TJP1: variants seen among roughly 807,000 people sequenced by gnomAD.
The protein encoded by TJP1 is tight junction protein 1, also known as tight junction protein ZO-1.
In TJP1, 43 loss-of-function variants were observed where a neutral mutation model predicts 194.2. The ratio of observed to expected loss-of-function variants is 0.22; its 90% confidence interval spans 0.17 to 0.29. The LOEUF is 0.29. TJP1 is among the 10% of genes least tolerant of loss of function. TJP1 has a pLI of 1.00. For missense variants in TJP1, 1,971 were observed against 2,185.7 expected (o/e 0.90, Z 1.96); for synonymous variants, 801 against 779.0 (o/e 1.03, Z -0.47).
At chr15:29,727,498 A>G (rs897851135) in intron 16 of TJP1, among the ~76,000 whole-genome samples, 3 of 152,202 alleles carry the variant, frequency 2.0e-5, no homozygotes, top group African/African-American at 4.8e-5. Flanking sequence ...AGTTAACTCA[A>G]TTCCATTTCT....
chr15:29,961,984 G>C (rs113332828), intron 1 of TJP1, among the ~76,000 whole-genome samples: 6 of 152,322 alleles, frequency 3.9e-5, no homozygotes, highest in African/African-American at 1.4e-4. Context: ...GCAGGAGAAA[G>C]ATATACACCA....
At chr15:29,961,975 C>T (rs2056180823) in intron 1 of TJP1, among the ~76,000 whole-genome samples, 1 of 152,168 alleles carries the variant, frequency 6.6e-6, no homozygotes, top group Non-Finnish European at 1.5e-5. Context: ...CAAGGACATG[C>T]AGGAGAAAGA....
At chr15:29,839,605 T>C (rs1156516012) in intron 2 of TJP1, among the ~76,000 whole-genome samples, 1 of 152,160 alleles carries the variant, frequency 6.6e-6, no homozygotes, top group Non-Finnish European at 1.5e-5. Flanking sequence ...TGTGACACTT[T>C]ACTCCATCTT....
At chr15:29,719,278 T>A in intron 20 of TJP1, 140 bp from the exon 21 acceptor site, 1 of 1,101,134 alleles carries the variant, frequency 9.1e-7, no homozygotes, top group South Asian at 2.0e-5. Context: ...ATAGACAAGA[T>A]TAGTGGAAAA....
intron 17 of TJP1, 70 bp downstream of exon 17, chr15:29,726,711 T>TTC: frequency 1.4e-6 from 2 of 1,429,574 alleles, no homozygotes; most frequent in Non-Finnish European, 2.0e-6. Context: ...TTGAACACCG[T>TTC]AACATTTTGG....
At position 29,732,489 on chromosome 15, in the gene TJP1, G is replaced by C; in HGVS notation, c.1961C>G (p.Ala654Gly). The C allele has an allele frequency of 1.2e-6, 2 of 1,614,058 alleles. No homozygotes were observed. Among genetic ancestry groups the C allele is most frequent in the Non-Finnish European group, 8.5e-7 (1 of 1,180,018 alleles). Residue 654 changes from alanine (A) to glycine (G), a missense_variant, in exon 15 of 28, where the codon GCT becomes GGT. Ala to Gly is a moderately conservative substitution (Grantham distance 60, BLOSUM62 0). Coordinates refer to ENST00000614355, the MANE Select transcript of TJP1 (RefSeq NM_001330239.4). The stretch of plus-strand genomic sequence containing the variant: ...TGCCAGCTTTTCTCTGGCAACATCA[G>C]CTATTGGTCCAAAAATGGTTACAGG... ...LRPVTIFGPI[A>G]DVAREKLARE...
At chr15:29,747,357 T>C (rs1365896505) in intron 8 of TJP1, among the ~76,000 whole-genome samples, 1 of 152,200 alleles carries the variant, frequency 6.6e-6, no homozygotes, top group Non-Finnish European at 1.5e-5. Flanking sequence ...TAATAAAATA[T>C]CACAATTAGC....
At chr15:29,845,233 G>T (rs2051365501) in intron 2 of TJP1, among the ~76,000 whole-genome samples, 1 of 152,122 alleles carries the variant, frequency 6.6e-6, no homozygotes, top group African/African-American at 2.4e-5. Context: ...CTAAAAATAA[G>T]AAAGGATAAA....
intron 1 of TJP1, among the ~76,000 whole-genome samples, chr15:29,811,254 G>A (rs2049478767): frequency 6.6e-6 from 1 of 152,048 alleles, no homozygotes; most frequent in Admixed American, 6.6e-5. Context: ...AAGCAGCCTA[G>A]GAATTTTAGG....
chr15:29,884,038 T>C lies in TJP1; in HGVS notation c.306+72194A>G, dbSNP rs537668104. Among the ~76,000 whole-genome samples, 23 of 152,300 alleles carry C rather than the reference T, an allele frequency of 1.5e-4. 1 individual carries two copies. The highest frequency in any genetic ancestry group is 4.8e-4 in the African/African-American group (20 of 41,566). On this transcript the variant is annotated intron_variant, in intron 2 of 28. Transcript: ENST00000356107. ...TTAGGCTGAAAGCTAAACTAGGGTA[T>C]CCCTACTAAAACAAGGATACCCTAA... is the stretch of plus-strand genomic sequence containing the variant.
intron 2 of TJP1, among the ~76,000 whole-genome samples, chr15:29,889,045 G>C (rs1288105820): frequency 6.6e-6 from 1 of 152,170 alleles, no homozygotes; most frequent in Non-Finnish European, 1.5e-5. Flanking sequence ...TCCCTTAGTT[G>C]GGTAAACAAC....
intron 2 of TJP1, among the ~76,000 whole-genome samples, chr15:29,931,919 T>C (rs1016406926): frequency 6.6e-6 from 1 of 152,220 alleles, no homozygotes; most frequent in South Asian, 2.1e-4. Flanking sequence ...TTTTACACCA[T>C]GTAGGGTAAC....
chr15:29,816,769 TTAAGA>T (rs767161168), intron 1 of TJP1, among the ~76,000 whole-genome samples: 4 of 152,144 alleles, frequency 2.6e-5, no homozygotes, highest in South Asian at 2.1e-4. Flanking sequence ...TTCAAAAACG[TTAAGA>T]TATCAAGAAA....
chr15:29,864,237 C>CAAAAAAAAAAAAAAAAAAAAA lies in TJP1; in HGVS notation c.307-63556_307-63536dup, dbSNP rs397975539. On this transcript the variant is annotated intron_variant, in intron 2 of 28. Transcript: ENST00000356107. ...TGAAACCCCGTCTCTACTAAAAATACAAAAAAAAAAAAAAAAAAAAAAAAA... is the reference window on the plus strand; with the variant it reads ...TGAAACCCCGTCTCTACTAAAAATACAAAAAAAAAAAAAAAAAAAAAAAAAAAAAAAAAAAAAAAAAAAAAA... Among the ~76,000 whole-genome samples the CAAAAAAAAAAAAAAAAAAAAA allele has an allele frequency of 8.4e-4, 16 of 18,944 alleles. 2 individuals carry two copies. Among genetic ancestry groups the CAAAAAAAAAAAAAAAAAAAAA allele is most frequent in the Non-Finnish European group, 1.1e-3 (10 of 9,478 alleles). The allele number at this position is 18,944 out of a possible 152,430, so 12.4% of individuals were successfully genotyped here. A position where few individuals can be genotyped will look rare whatever the true frequency, so the allele number is the denominator to read the frequency against.
chr15:29,941,825 C>T (rs753684642), intron 2 of TJP1, among the ~76,000 whole-genome samples: 2 of 151,812 alleles, frequency 1.3e-5, no homozygotes, highest in South Asian at 2.1e-4. Context: ...GGCGTGCATG[C>T]GTGTATGTGT....
At chr15:29,924,575 A>G (rs1220782646) in intron 2 of TJP1, among the ~76,000 whole-genome samples, 1 of 152,204 alleles carries the variant, frequency 6.6e-6, no homozygotes, top group African/African-American at 2.4e-5. Context: ...TTTTATGTAT[A>G]TTATACATTT....
chr15:29,761,299 G>C lies in TJP1; in HGVS notation c.863-13C>G. ...ATTTCTGAAATGTCTGTTAATAAAA[G>C]GGTGCTACTTATTTTCCCACAAAAA... On this transcript the variant is annotated splice_polypyrimidine_tract_variant and intron_variant, in intron 7 of 27. Transcript: ENST00000614355. The C allele has an allele frequency of 6.2e-7, 1 of 1,613,626 alleles. No homozygotes were observed. Among genetic ancestry groups the C allele is most frequent in the Non-Finnish European group, 8.5e-7 (1 of 1,179,886 alleles).
chr15:29,952,494 G>A (rs1434867604), intron 2 of TJP1, among the ~76,000 whole-genome samples: 1 of 152,036 alleles, frequency 6.6e-6, no homozygotes, highest in Non-Finnish European at 1.5e-5. Flanking sequence ...CGGGACCAAA[G>A]CCAACAGGCT....
chr15:29,837,318 G>A (rs1219172897), intron 2 of TJP1, among the ~76,000 whole-genome samples: 1 of 152,036 alleles, frequency 6.6e-6, no homozygotes, highest in African/African-American at 2.4e-5. Flanking sequence ...TAGCACTTTG[G>A]TAGGCTGATG....
Sources: allele counts gnomAD v4.1 joint callset (sites outside exome capture counted in the v4.1 genomes callset), GRCh38; gene constraint gnomAD v4.1.1; transcripts MANE v1.5; gene names NCBI Gene and HGNC (gene_info 2026-07-23, HGNC 2026-07-21).